Variants in PCDHGA6 observed in about 807,000 individuals in gnomAD.
The protein encoded by PCDHGA6 is protocadherin gamma subfamily A, 6.
In PCDHGA6, 41 loss-of-function variants were observed where a neutral mutation model predicts 60.6. The ratio of observed to expected loss-of-function variants is 0.68; its 90% CI spans 0.53 to 0.88. The LOEUF (loss-of-function observed/expected upper bound fraction) is 0.88. PCDHGA6 is among the 40% of genes least tolerant of loss of function. The probability of loss-of-function intolerance (pLI) is 0.00; values close to 1 mark genes in which losing one functional copy is unlikely to be tolerated. For synonymous variants in PCDHGA6, 594 were observed against 524.4 expected, an observed-to-expected ratio of 1.13 and a Z score of -1.81; for missense variants, 1,312 against 1,203.0, an observed-to-expected ratio of 1.09 and a Z score of -1.34.
Position 141,431,530 on chromosome 5 carries a change from G to A in PCDHGA6, c.2424+55023G>A. On this transcript the variant is annotated intron_variant, in intron 1 of 3. Transcript: ENST00000517434. The surrounding 1 kb of genome is among the most constrained non-coding windows in gnomAD (Gnocchi z 4.8). ...CGAGCGTTCCGGAGAATCTGGCCTT[G>A]GGCACGCAGCTGCTTGTAGTCAACG... 3 of 1,614,072 alleles carry A rather than the reference G, an allele frequency of 1.9e-6. No homozygotes were observed. In the South Asian group the frequency reaches 3.3e-5, roughly 18 times the overall value.
In PCDHGA6 at chr5:141,485,778, G is replaced by A. The variant is rs575586552; in HGVS notation, c.2425-9029G>A. On this transcript the variant is annotated intron_variant, in intron 1 of 3. Coordinates refer to ENST00000517434, the MANE Select transcript of PCDHGA6 (RefSeq NM_018919.3). The surrounding 1 kb of genome is among the most constrained non-coding windows in gnomAD (Gnocchi z 5.7). ...CTGCTCCTGGAGAAGCCTTTGGATC[G>A]AGAGAAGCAATCGGACTACCGCCTG... is the stretch of plus-strand genomic sequence containing the variant. The A allele has an allele frequency of 1.2e-6, 2 of 1,614,216 alleles. No individual in the cohort carries two copies. Among genetic ancestry groups the A allele is most frequent in the Admixed American group, 1.7e-5 (1 of 60,028 alleles).
At chr5:141,464,116 T>A (rs1195883274) in intron 1 of PCDHGA6, among the ~76,000 whole-genome samples, 1 of 151,922 alleles carries the variant, frequency 6.6e-6, no homozygotes, top group African/African-American at 2.4e-5. Context: ...AATACAAAAA[T>A]TAGCTGGGTG....
At chr5:141,454,953 G>A (rs1304192945) in intron 1 of PCDHGA6, among the ~76,000 whole-genome samples, 4 of 150,686 alleles carry the variant, frequency 2.7e-5, no homozygotes, top group Admixed American at 6.6e-5. Context: ...GACTACAGGC[G>A]CCGGCCACCA....
chr5:141,404,242 G>A (rs372976589), intron 1 of PCDHGA6: 30 of 1,613,344 alleles, frequency 1.9e-5, no homozygotes, highest in Non-Finnish European at 2.4e-5. Flanking sequence ...GAGGAACTCC[G>A]CCCCTGTCCA....
At chr5:141,466,296 A>G (rs2099120415) in intron 1 of PCDHGA6, among the ~76,000 whole-genome samples, 1 of 152,136 alleles carries the variant, frequency 6.6e-6, no homozygotes. Flanking sequence ...TCAGGCTCCC[A>G]AGTAGCTGGG....
intron 1 of PCDHGA6, chr5:141,418,101 G>T: frequency 6.2e-7 from 1 of 1,614,082 alleles, no homozygotes; most frequent in Non-Finnish European, 8.5e-7. Context: ...GACGCGCAGA[G>T]CGGGGACTTA....
intron 1 of PCDHGA6, among the ~76,000 whole-genome samples, chr5:141,436,221 G>C (rs1468526543): frequency 6.6e-6 from 1 of 152,004 alleles, no homozygotes; most frequent in African/African-American, 2.4e-5. Context: ...CAAATGACTT[G>C]GGAAACTAAG....
Position 141,490,958 on chromosome 5 carries a change from A to T in PCDHGA6, c.2425-3849A>T, listed in dbSNP as rs771797392. 4.6e-5 allele frequency: 74 copies of T among 1,613,610 alleles called. No individual in the cohort carries two copies. The highest frequency in any genetic ancestry group is 1.6e-4 in the Middle Eastern group (1 of 6,084). ...CTGCACCCACGGCCAGACTGGGAAC[A>T]CTCAGCCCCCCAGCGTCTCCCTCGC... On this transcript the variant is annotated intron_variant, in intron 1 of 3. Coordinates refer to ENST00000517434, the MANE Select transcript of PCDHGA6 (RefSeq NM_018919.3). This position sits in a 1 kb window ranked among gnomAD's most constrained non-coding sequence, Gnocchi z 5.4.
At position 141,410,559 on chromosome 5, in the gene PCDHGA6, G is replaced by A. The variant is rs1239897819; in HGVS notation, c.2424+34052G>A. 9.9e-6 allele frequency: 16 copies of A among 1,612,722 alleles called. No individual in the cohort carries two copies. Among genetic ancestry groups the A allele is most frequent in the African/African-American group, 5.3e-5 (4 of 74,894 alleles). On this transcript the variant is annotated intron_variant, in intron 1 of 3. Transcript: ENST00000517434. ...GACATGGTTTGCAGTGTTTCTCCTG[G>A]AGCCTTAATTCCACCTCATGGTGGG...
At chr5:141,410,699 A>T (rs760193148) in intron 1 of PCDHGA6, 1 of 1,478,344 alleles carries the variant, frequency 6.8e-7, no homozygotes, top group East Asian at 2.3e-5. Flanking sequence ...CTTTATTTTC[A>T]TATCTAGAAT....
intron 2 of PCDHGA6, among the ~76,000 whole-genome samples, chr5:141,496,189 G>T (rs1362938002): frequency 1.3e-5 from 2 of 152,004 alleles, no homozygotes; most frequent in African/African-American, 4.8e-5. Context: ...AGCCCCAGCT[G>T]CTCATTTCAA....
chr5:141,487,811 A>C lies in PCDHGA6; in HGVS notation c.2425-6996A>C, dbSNP rs1389081995. 2 of 1,414,662 alleles carry C rather than the reference A, an allele frequency of 1.4e-6. No homozygotes were observed. The highest frequency in any genetic ancestry group is 1.9e-6 in the Non-Finnish European group (2 of 1,041,698). The allele number at this position is 1,414,662 out of a possible 1,614,324, so 87.6% of individuals were successfully genotyped here. On this transcript the variant is annotated intron_variant, in intron 1 of 3. Coordinates refer to ENST00000517434, the MANE Select transcript of PCDHGA6 (RefSeq NM_018919.3). This position sits in a 1 kb window ranked among gnomAD's most constrained non-coding sequence, Gnocchi z 5.0. ...TTAACCAGAGTTGTCACAGTTTAGC[A>C]TTGGGGGCGGGTCATGCCTATATCT...
chr5:141,478,011 G>A (rs1216659966), intron 1 of PCDHGA6: 1 of 1,614,088 alleles, frequency 6.2e-7, no homozygotes, highest in East Asian at 2.2e-5. Flanking sequence ...AGTACTGCCC[G>A]TCCAGTCCAA....
chr5:141,451,676 G>A (rs1363843426), intron 1 of PCDHGA6, among the ~76,000 whole-genome samples: 1 of 152,142 alleles, frequency 6.6e-6, no homozygotes, highest in African/African-American at 2.4e-5. Flanking sequence ...GAGCCCAGGA[G>A]TTCAAGACCA....
chr5:141,432,991 CG>C lies in PCDHGA6; in HGVS notation c.2424+56488del. 1.9e-6 allele frequency: 3 copies of C among 1,614,200 alleles called. No homozygotes were observed. Among genetic ancestry groups the C allele is most frequent in the Non-Finnish European group, 2.5e-6 (3 of 1,180,030 alleles). On this transcript the variant is annotated intron_variant, in intron 1 of 3. Transcript: ENST00000517434. This position sits in a 1 kb window ranked among gnomAD's most constrained non-coding sequence, Gnocchi z 6.0. ...CGGCGTCGCACTTTGTGGGCGTGGACGGGGTGCAGGCTTTCCTGCAGACCTA... is the reference window on the plus strand; with the variant it reads ...CGGCGTCGCACTTTGTGGGCGTGGACGGGTGCAGGCTTTCCTGCAGACCTA...
intron 1 of PCDHGA6, chr5:141,422,129 A>T: frequency 6.3e-7 from 1 of 1,599,702 alleles, no homozygotes; most frequent in East Asian, 2.2e-5. Flanking sequence ...CAAACTGGAG[A>T]AGTTCAAGTA....
intron 1 of PCDHGA6, among the ~76,000 whole-genome samples, chr5:141,445,489 G>A (rs934531418): frequency 7.2e-5 from 11 of 152,188 alleles, no homozygotes; most frequent in Non-Finnish European, 1.3e-4. Context: ...GAGTTAATGG[G>A]CCCTATTCTA....
At chr5:141,501,557 G>A (rs192507373) in intron 2 of PCDHGA6, among the ~76,000 whole-genome samples, 1 of 152,124 alleles carries the variant, frequency 6.6e-6, no homozygotes, top group Non-Finnish European at 1.5e-5. Context: ...CATAGGCCCT[G>A]GAATCATATT....
intron 1 of PCDHGA6, chr5:141,408,845 T>C (rs560368079): frequency 1.9e-6 from 3 of 1,613,670 alleles, no homozygotes; most frequent in Non-Finnish European, 8.5e-7. Flanking sequence ...ATTGACTGCC[T>C]TGGACGGAGG....
Sources: gnomAD v4.1 joint callset for allele counts (sites outside exome capture counted in the v4.1 genomes callset) on GRCh38, gnomAD v4.1.1 for gene constraint, Gnocchi (gnomAD v3.1) non-coding constraint, MANE v1.5 for transcripts, NCBI Gene and HGNC (gene_info 2026-07-23, HGNC 2026-07-21) for gene names.